CLDN1: variants seen among roughly 807,000 people sequenced by gnomAD.
CLDN1 encodes claudin 1, also known as claudin-1.
In CLDN1, 12 loss-of-function variants were observed where a neutral mutation model predicts 22.6. The observed-to-expected ratio is 0.53, with a 90% CI of 0.34 to 0.86. The LOEUF is 0.86. CLDN1 is among the 40% of genes least tolerant of loss of function. CLDN1 has a pLI of 0.02. For missense variants in CLDN1, 250 were observed against 269.5 expected, an observed-to-expected ratio of 0.93 and a Z score of 0.51; for synonymous variants, 99 against 103.8, an observed-to-expected ratio of 0.95 and a Z score of 0.28.
Position 190,306,456 on chromosome 3 carries a change from T to C in CLDN1, c.*1821A>G, listed in dbSNP as rs889356918. Reference sequence around the variant, plus strand: ...GTATGCAGTTAATTCCTCAATTCTTTCCCTTAGTATAGCACTTTTTAAATT... The same window carrying C: ...GTATGCAGTTAATTCCTCAATTCTTCCCCTTAGTATAGCACTTTTTAAATT... On this transcript the variant is annotated 3_prime_UTR_variant, in exon 4 of 4. Transcript: ENST00000295522. The C allele has an allele frequency of 2.6e-5, 4 of 152,212 alleles. No homozygotes were observed. The highest frequency in any genetic ancestry group is 5.9e-5 in the Non-Finnish European group (4 of 68,052). The allele number at this position is 152,212 out of a possible 1,614,324, so 9.4% of individuals were successfully genotyped here.
rs1349158695 is a variant in CLDN1 at position 190,307,129 on chromosome 3, T to C, written c.*1148A>G. 6.6e-6 allele frequency: 1 copy of C among 152,656 alleles called. No homozygotes were observed. The highest frequency in any genetic ancestry group is 1.5e-5 in the Non-Finnish European group (1 of 68,044). The allele number at this position is 152,656 out of a possible 1,614,324, so 9.5% of individuals were successfully genotyped here. On this transcript the variant is annotated 3_prime_UTR_variant, in exon 4 of 4. Coordinates refer to ENST00000295522, the MANE Select transcript of CLDN1 (RefSeq NM_021101.5). ...TTCTAACTGGTTAAGTATCATTATC[T>C]CAATTTGGCAGATAGAAAAAAGAGG...
chr3:190,315,217 A>T (rs925188135), intron 1 of CLDN1, among the ~76,000 whole-genome samples: 1 of 152,164 alleles, frequency 6.6e-6, no homozygotes, highest in Non-Finnish European at 1.5e-5. Flanking sequence ...CCTGAAGAGG[A>T]GATGCTGAAA....
In CLDN1 at chr3:190,322,283, C is replaced by A. The variant is rs1716949355; in HGVS notation, c.-77G>T. 7.6e-7 allele frequency: 1 copy of A among 1,311,956 alleles called. No individual in the cohort carries two copies. Among genetic ancestry groups the A allele is most frequent in the Non-Finnish European group, 1.1e-6 (1 of 922,666 alleles). 81.3% of individuals were successfully genotyped at this position (1,311,956 alleles called of 1,614,324 possible). A position where few individuals can be genotyped will look rare whatever the true frequency, so the allele number is the denominator to read the frequency against. The stretch of plus-strand genomic sequence containing the variant: ...AGAGTTTGCAGGTGGGCAACCCGGA[C>A]TCCCGAAGGTGGCTGGGCCCCGCGG... On this transcript the variant is annotated 5_prime_UTR_variant, in exon 1 of 4. Coordinates refer to ENST00000295522, the MANE Select transcript of CLDN1 (RefSeq NM_021101.5).
chr3:190,318,732 C>T (rs1445285409), intron 1 of CLDN1, among the ~76,000 whole-genome samples: 1 of 152,156 alleles, frequency 6.6e-6, no homozygotes, highest in Admixed American at 6.5e-5. Context: ...CTTCGAGTAC[C>T]CTCGGTTCAG....
chr3:190,311,111 G>A lies in CLDN1; in HGVS notation c.389-858C>T, dbSNP rs2108607588. The stretch of plus-strand genomic sequence containing the variant: ...TCTAGACATGACAGAAAACACTATT[G>A]CTTTTGGCTTCTCAAATAGACCATG... On this transcript the variant is annotated intron_variant, in intron 2 of 3. Transcript: ENST00000295522. Among the ~76,000 whole-genome samples the A allele has an allele frequency of 1.3e-5, 2 of 152,246 alleles. 1 individual carries two copies. The highest frequency in any genetic ancestry group is 1.3e-4 in the Admixed American group (2 of 15,272).
At chr3:190,316,695 C>A (rs534006807) in intron 1 of CLDN1, among the ~76,000 whole-genome samples, 4 of 152,144 alleles carry the variant, frequency 2.6e-5, no homozygotes, top group Non-Finnish European at 5.9e-5. Context: ...CCATCTAAAG[C>A]ACCAAGCACA....
chr3:190,319,894 T>C (rs1716871802), intron 1 of CLDN1, among the ~76,000 whole-genome samples: 1 of 152,140 alleles, frequency 6.6e-6, no homozygotes, highest in Non-Finnish European at 1.5e-5. Context: ...TCCAAAAGCA[T>C]CCCGTGAGTC....
intron 1 of CLDN1, among the ~76,000 whole-genome samples, chr3:190,317,052 G>A (rs932195150): frequency 2.0e-5 from 3 of 152,154 alleles, no homozygotes; most frequent in African/African-American, 7.2e-5. Context: ...ATGAGTGGCA[G>A]AGCAGAGAAG....
Position 190,310,178 on chromosome 3 carries a change from A to G in CLDN1, c.464T>C (p.Val155Ala), listed in dbSNP as rs763674205. The change falls in exon 3 of 4, where the codon GTC becomes GCC. Residue 155 changes from valine (V) to alanine (A), a missense_variant. By Grantham distance (64) the Val-to-Ala change is moderately conservative. Coordinates refer to ENST00000295522, the MANE Select transcript of CLDN1 (RefSeq NM_021101.5). The stretch of plus-strand genomic sequence containing the variant: ...GCCTGAATAGCGTTACCTGGCATTG[A>G]CTGGGGTCATAGGGTCATAGAATTC... ...VQEFYDPMTP[V>A]NARYEFGQAL... The G allele has an allele frequency of 3.7e-5, 60 of 1,613,472 alleles. No individual in the cohort carries two copies. The highest frequency in any genetic ancestry group is 1.6e-4 in the Middle Eastern group (1 of 6,082).
At position 190,322,446 on chromosome 3, in the gene CLDN1, C is replaced by A. The variant is rs558964236; in HGVS notation, c.-240G>T. The A allele has an allele frequency of 1.4e-5, 8 of 570,502 alleles. No homozygotes were observed. The highest frequency in any genetic ancestry group is 1.3e-4 in the African/African-American group (7 of 53,140). The allele number at this position is 570,502 out of a possible 1,614,324, so 35.3% of individuals were successfully genotyped here. A position where few individuals can be genotyped will look rare whatever the true frequency, so the allele number is the denominator to read the frequency against. On this transcript the variant is annotated 5_prime_UTR_variant, in exon 1 of 4. Transcript: ENST00000295522. The stretch of plus-strand genomic sequence containing the variant: ...TTGCTCCCAGGCTCGGGAACTGAGA[C>A]GCAGAACCGCTGGGCGCCGCGATTT...
At chr3:190,317,337 A>G (rs1011744818) in intron 1 of CLDN1, among the ~76,000 whole-genome samples, 1 of 152,178 alleles carries the variant, frequency 6.6e-6, no homozygotes, top group Non-Finnish European at 1.5e-5. Context: ...TTTTAATTAT[A>G]TTTAGCTAGA....
rs1212634329 is a variant in CLDN1, at chr3:190,322,321, C to A, written c.-115G>T. 4 of 946,764 alleles carry A rather than the reference C, an allele frequency of 4.2e-6. No individual in the cohort carries two copies. Among genetic ancestry groups the A allele is most frequent in the African/African-American group, 3.2e-5 (2 of 61,838 alleles). 58.6% of individuals were successfully genotyped at this position (946,764 alleles called of 1,614,324 possible). A position where few individuals can be genotyped will look rare whatever the true frequency, so the allele number is the denominator to read the frequency against. ...CTGGGCCCCGCGGAGGAAGTTAAGGCGGGGAGCCCTGCTCGCTGCGCCGCC... is the reference window on the plus strand; with the variant it reads ...CTGGGCCCCGCGGAGGAAGTTAAGGAGGGGAGCCCTGCTCGCTGCGCCGCC... On this transcript the variant is annotated 5_prime_UTR_variant, in exon 1 of 4. Coordinates refer to ENST00000295522, the MANE Select transcript of CLDN1 (RefSeq NM_021101.5).
At chr3:190,318,849 A>G (rs1261496881) in intron 1 of CLDN1, among the ~76,000 whole-genome samples, 1 of 152,170 alleles carries the variant, frequency 6.6e-6, no homozygotes, top group Non-Finnish European at 1.5e-5. Flanking sequence ...GCCTGACATC[A>G]TGGTGAGAGT....
chr3:190,313,209 C>T (rs1716674386), intron 1 of CLDN1, 173 bp from the exon 2 acceptor site: 1 of 634,108 alleles, frequency 1.6e-6, no homozygotes, highest in Non-Finnish European at 2.7e-6. Flanking sequence ...AGTATCTTCT[C>T]CAGAAAAACA....
chr3:190,321,846 A>G (rs1340301957), intron 1 of CLDN1, 138 bp downstream of exon 1: 4 of 709,674 alleles, frequency 5.6e-6, no homozygotes, highest in East Asian at 5.2e-5. Context: ...TCATTTCCTT[A>G]TGACAGAGCA....
chr3:190,316,502 C>T (rs1433442453), intron 1 of CLDN1, among the ~76,000 whole-genome samples: 1 of 152,180 alleles, frequency 6.6e-6, no homozygotes. Context: ...GGTTACCAGT[C>T]AAAGTAAGCA....
At chr3:190,311,682 CTATTA>C (rs1344371909) in intron 2 of CLDN1, among the ~76,000 whole-genome samples, 1 of 150,260 alleles carries the variant, frequency 6.7e-6, no homozygotes, top group African/African-American at 2.4e-5. Flanking sequence ...ATATAGTAGT[CTATTA>C]TTATAGCTGT....
chr3:190,317,022 C>CT (rs1716788066), intron 1 of CLDN1, among the ~76,000 whole-genome samples: 1 of 152,014 alleles, frequency 6.6e-6, no homozygotes, highest in South Asian at 2.1e-4. Flanking sequence ...AGTTTTGTTT[C>CT]TTTTTGCCCT....
chr3:190,318,440 A>T (rs1160668779), intron 1 of CLDN1, among the ~76,000 whole-genome samples: 1 of 152,196 alleles, frequency 6.6e-6, no homozygotes, highest in African/African-American at 2.4e-5. Flanking sequence ...TCTTAGCTGC[A>T]CCATCCTTAG....
Sources: allele counts gnomAD v4.1 joint callset (sites outside exome capture counted in the v4.1 genomes callset), GRCh38; gene constraint gnomAD v4.1.1; transcripts MANE v1.5; gene names NCBI Gene and HGNC (gene_info 2026-07-23, HGNC 2026-07-21).